The following TJP2 variants were observed in gnomAD, a reference collection of about 807,000 sequenced individuals.
The protein encoded by TJP2 is Friedreich ataxia region gene X104 (tight junction protein ZO-2).
TJP2 carries 91 observed loss-of-function variants against 133.1 expected under a neutral mutation model. The ratio of observed to expected loss-of-function variants is 0.68; its 90% CI spans 0.58 to 0.81. The LOEUF (loss-of-function observed/expected upper bound fraction) is 0.81. TJP2 is among the 40% of genes least tolerant of loss of function. TJP2 has a pLI of 0.00. For missense variants in TJP2, 1,541 were observed against 1,565.6 expected (o/e 0.98, Z 0.26); for synonymous variants, 592 against 583.4 (o/e 1.01, Z -0.21).
intron 15 of TJP2, 145 bp downstream of exon 15, chr9:69,238,118 A>ACTGC: frequency 1.5e-6 from 1 of 688,820 alleles, no homozygotes; most frequent in Non-Finnish European, 2.7e-6. Flanking sequence ...TCTCTCACCC[A>ACTGC]CTGCCTGCAC....
chr9:69,221,229 T>C lies in TJP2; in HGVS notation c.685T>C (p.Phe229Leu), dbSNP rs1828814178. The C allele has an allele frequency of 1.2e-6, 2 of 1,606,282 alleles. No homozygotes were observed. Among genetic ancestry groups the C allele is most frequent in the Non-Finnish European group, 1.7e-6 (2 of 1,176,784 alleles). Residue 229 changes from phenylalanine to leucine, a missense_variant, in exon 5 of 23, where the codon TTT becomes CTT. Physicochemically the swap from Phe to Leu is conservative, Grantham distance 22 (BLOSUM62 0). Transcript: ENST00000377245. Reference protein sequence around the residue: ...RSLERGLDHDFGPSRDRDRDR... With the variant: ...RSLERGLDHDLGPSRDRDRDR... ...CCTGGAGCGGGGCCTGGACCACGAC[T>C]TTGGGCCATCCCGGGACCGGGACCG...
intron 21 of TJP2, 55 bp downstream of exon 21, chr9:69,251,419 C>A: frequency 6.4e-7 from 1 of 1,560,220 alleles, no homozygotes; most frequent in South Asian, 1.1e-5. Context: ...AGTTTGATTT[C>A]AACATAACAG....
chr9:69,252,755 AGCAGAG>A, intron 21 of TJP2, 54 bp from the exon 22 acceptor site: 1 of 1,512,296 alleles, frequency 6.6e-7, no homozygotes, highest in Non-Finnish European at 9.2e-7. Flanking sequence ...GAAACCAGCA[AGCAGAG>A]TGCCCAGTGG....
rs141030672 is a variant in TJP2 at position 69,143,241 on chromosome 9, A to C, written c.-130-8410A>C. Among the ~76,000 whole-genome samples the C allele has an allele frequency of 3.3e-3, 506 of 152,348 alleles. 4 individuals are homozygous for C. Among genetic ancestry groups the C allele is most frequent in the African/African-American group, 0.011 (441 of 41,576 alleles). On this transcript the variant is annotated intron_variant, in intron 1 of 5. Coordinates refer to the TJP2 transcript ENST00000423935. ...GTTAAATGCATCGAAAATTCCAATA[A>C]AAAATGAAACTTTAAAACATCCCAT...
At chr9:69,237,596 G>GGATC (rs144956886) in intron 14 of TJP2, among the ~76,000 whole-genome samples, 1 of 151,958 alleles carries the variant, frequency 6.6e-6, no homozygotes, top group Admixed American at 6.5e-5. Flanking sequence ...CTACTCAGGA[G>GGATC]GCTTGAGCCT....
chr9:69,223,150 C>G (rs1829038428), intron 5 of TJP2, among the ~76,000 whole-genome samples: 1 of 151,250 alleles, frequency 6.6e-6, no homozygotes, highest in East Asian at 2.0e-4. Flanking sequence ...AGTGGCCTTG[C>G]TGCATCTCAA....
intron 1 of TJP2, among the ~76,000 whole-genome samples, chr9:69,137,310 T>TTTTC (rs1564372801): frequency 1.2e-5 from 1 of 80,492 alleles, no homozygotes; most frequent in East Asian, 3.3e-4. Context: ...TTTTCTTTTC[T>TTTTC]TTTCTTTTCT....
At chr9:69,245,742 G>T (rs1169543893) in intron 17 of TJP2, among the ~76,000 whole-genome samples, 1 of 152,182 alleles carries the variant, frequency 6.6e-6, no homozygotes, top group African/African-American at 2.4e-5. Context: ...TTGTGTAGTC[G>T]TGAAATGAGC....
rs757645508 is a variant in TJP2 at position 69,221,369 on chromosome 9, C to T, written c.825C>T (p.His275=). 5.7e-6 allele frequency: 9 copies of T among 1,584,366 alleles called. No individual in the cohort carries two copies. The highest frequency in any genetic ancestry group is 2.7e-5 in the African/African-American group (2 of 74,298). ...YSPEYRRGAR[H]DARSRGPRSR... ...CGGAGTACAGGCGCGGGGCCCGCCACGATGCCCGCTCTCGGGGACCCCGAA... is the reference window on the plus strand; with the variant it reads ...CGGAGTACAGGCGCGGGGCCCGCCATGATGCCCGCTCTCGGGGACCCCGAA... The change falls in exon 5 of 23, where the codon CAC becomes CAT. Residue 275 remains histidine, a synonymous_variant. Coordinates refer to ENST00000377245, the MANE Select transcript of TJP2 (RefSeq NM_004817.4).
intron 2 of TJP2, among the ~76,000 whole-genome samples, chr9:69,162,255 T>C (rs1824119951): frequency 6.6e-6 from 1 of 150,436 alleles, no homozygotes; most frequent in Non-Finnish European, 1.5e-5. Context: ...TAAGTAAATA[T>C]TGTAAGATTT....
chr9:69,235,073 A>G (rs770169785), intron 12 of TJP2, among the ~76,000 whole-genome samples: 4 of 152,230 alleles, frequency 2.6e-5, no homozygotes, highest in Non-Finnish European at 5.9e-5. Flanking sequence ...GATTTATTAT[A>G]AAGAATTGGC....
At chr9:69,131,768 C>T (rs535318788) in intron 1 of TJP2, among the ~76,000 whole-genome samples, 1 of 152,274 alleles carries the variant, frequency 6.6e-6, no homozygotes, top group African/African-American at 2.4e-5. Flanking sequence ...CTGCTGGCCC[C>T]TGTAGGCCCT....
chr9:69,254,482 T>A lies in TJP2; in HGVS notation c.*108T>A. On this transcript the variant is annotated 3_prime_UTR_variant, in exon 23 of 23. Transcript: ENST00000377245. ...CCAGTTAGAATGCACCATGGAGACG[T>A]GGTGGGACTCCAGCTCGTGTGTCCT... The A allele has an allele frequency of 7.1e-7, 1 of 1,412,276 alleles. No individual in the cohort carries two copies. The highest frequency in any genetic ancestry group is 9.9e-7 in the Non-Finnish European group (1 of 1,014,626). 87.5% of individuals were successfully genotyped at this position (1,412,276 alleles called of 1,614,324 possible).
rs34446622 is a variant in TJP2, at chr9:69,189,663, TA to T, written c.60+15244del. On this transcript the variant is annotated intron_variant, in intron 1 of 22. Coordinates refer to ENST00000377245, the MANE Select transcript of TJP2 (RefSeq NM_004817.4). ...TTTTTTTTTTTAAGTTTAAAAAAGT[TA>T]AAAAAAAAAAAAGACAAAGAAAAAG... is the stretch of plus-strand genomic sequence containing the variant. Among the ~76,000 whole-genome samples, 36 of 65,622 alleles carry T rather than the reference TA, an allele frequency of 5.5e-4. 6 individuals are homozygous for T. Among genetic ancestry groups the T allele is most frequent in the African/African-American group, 9.0e-4 (14 of 15,500 alleles). 43.1% of individuals were successfully genotyped at this position (65,622 alleles called of 152,430 possible).
At chr9:69,121,738 C>G (rs1027706029) in intron 1 of TJP2, 51 of 152,184 alleles carry the variant, frequency 3.4e-4, no homozygotes, top group African/African-American at 1.2e-3. Flanking sequence ...AAGTACCCTC[C>G]TCTCTCTCCC....
At chr9:69,151,373 C>T (rs546033304) in intron 1 of TJP2, among the ~76,000 whole-genome samples, 3 of 151,450 alleles carry the variant, frequency 2.0e-5, no homozygotes, top group African/African-American at 4.9e-5. Flanking sequence ...CCCAGCTTTC[C>T]GGGAGGTTGA....
chr9:69,156,540 T>A (rs1456822627), intron 2 of TJP2, among the ~76,000 whole-genome samples: 1 of 144,394 alleles, frequency 6.9e-6, no homozygotes, highest in Non-Finnish European at 1.5e-5. Context: ...TTTTTTTTTT[T>A]TTTTTTTTTG....
At chr9:69,229,314 T>C (rs1449624702) in intron 10 of TJP2, 64 bp downstream of exon 10, 6 of 1,530,960 alleles carry the variant, frequency 3.9e-6, no homozygotes, top group Non-Finnish European at 5.4e-6. Flanking sequence ...GTAACTGAAA[T>C]CCAGAAGAGT....
intron 1 of TJP2, among the ~76,000 whole-genome samples, chr9:69,188,231 A>G (rs978592807): frequency 6.6e-6 from 1 of 152,088 alleles, no homozygotes. Context: ...TTTCTCTAGC[A>G]AAGCTGGGGA....
Sources: allele counts gnomAD v4.1 joint callset (sites outside exome capture counted in the v4.1 genomes callset), GRCh38; gene constraint gnomAD v4.1.1; transcripts MANE v1.5; gene names NCBI Gene and HGNC (gene_info 2026-07-23, HGNC 2026-07-21).